INVS: variants seen among roughly 807,000 people sequenced by gnomAD.
The protein encoded by INVS is inversion of embryo turning homolog.
INVS carries 86 observed loss-of-function variants against 108.8 expected under a neutral mutation model. The ratio of observed to expected loss-of-function variants is 0.79; its 90% CI spans 0.66 to 0.95. The LOEUF (loss-of-function observed/expected upper bound fraction) is 0.95, where lower values mean the gene tolerates loss of function less well. INVS is among the 40% of genes least tolerant of loss of function. The pLI is 0.00. For synonymous variants in INVS, 455 were observed against 473.5 expected (o/e 0.96, Z 0.51); for missense variants, 1,169 against 1,297.4 (o/e 0.90, Z 1.52).
chr9:100,247,588 T>C (rs1832084384), intron 8 of INVS, among the ~76,000 whole-genome samples: 2 of 152,176 alleles, frequency 1.3e-5, no homozygotes, highest in South Asian at 4.1e-4. Context: ...TTGCATCTAC[T>C]GTTATCCTGA....
chr9:100,243,107 A>C (rs1421952108), intron 7 of INVS, among the ~76,000 whole-genome samples: 1 of 152,186 alleles, frequency 6.6e-6, no homozygotes, highest in African/African-American at 2.4e-5. Context: ...GTTAAGCATA[A>C]CATTTTACTT....
intron 7 of INVS, 94 bp downstream of exon 7, chr9:100,242,773 C>T (rs1367155831): frequency 1.3e-6 from 1 of 775,932 alleles, no homozygotes; most frequent in South Asian, 1.4e-5. Flanking sequence ...AATAATACAA[C>T]AAGATTGCAT....
rs1832292345 is a variant in INVS at position 100,253,123 on chromosome 9, T to C, written c.1451T>C (p.Ile484Thr). Residue 484 changes from isoleucine (I) to threonine (T), a missense_variant, in exon 10 of 17, where the codon ATT becomes ACT. This residue lies in a region of INVS where 271 missense variants were observed against 363.8 expected (regional missense o/e 0.74). Transcript: ENST00000262457. Reference sequence around the variant, plus strand: ...ATGGAAAACAATGCAGACCCTAACATTCAAGACAAAGAGGTAGAAATTCTG... The same window carrying C: ...ATGGAAAACAATGCAGACCCTAACACTCAAGACAAAGAGGTAGAAATTCTG... ...VLMENNADPN[I>T]QDKEGRTALH... is the part of the protein sequence containing the mutation. 1 of 1,612,464 alleles carries C rather than the reference T, an allele frequency of 6.2e-7. No individual in the cohort carries two copies. Among genetic ancestry groups the C allele is most frequent in the South Asian group, 1.1e-5 (1 of 91,050 alleles).
chr9:100,280,895 C>T (rs969005500), intron 12 of INVS, among the ~76,000 whole-genome samples: 1 of 152,220 alleles, frequency 6.6e-6, no homozygotes, highest in South Asian at 2.1e-4. Context: ...GAAGACAAGC[C>T]TGGGCAACAT....
intron 10 of INVS, 46 bp downstream of exon 10, chr9:100,253,182 A>C: frequency 6.9e-7 from 1 of 1,445,002 alleles, no homozygotes; most frequent in Non-Finnish European, 9.7e-7. Flanking sequence ...AAGAATTTAG[A>C]GTATTTCTTC....
Position 100,262,992 on chromosome 9 carries a change from T to G in INVS, c.1465-1830T>G, listed in dbSNP as rs1292301193. Among the ~76,000 whole-genome samples, 3 of 152,154 alleles carry G rather than the reference T, an allele frequency of 2.0e-5. No homozygotes were observed. In the East Asian group the frequency reaches 5.8e-4, roughly 29 times the overall value. On this transcript the variant is annotated intron_variant, in intron 10 of 16. Coordinates refer to ENST00000262457, the MANE Select transcript of INVS (RefSeq NM_014425.5). ...CTTGAACTCCTGAGCTCAAGCAATC[T>G]ACCTGCCTCAGCCTACGAAAGTGCT...
At chr9:100,265,037 G>A in intron 11 of INVS, 109 bp downstream of exon 11, 1 of 742,674 alleles carries the variant, frequency 1.3e-6, no homozygotes, top group Non-Finnish European at 2.4e-6. Flanking sequence ...TCGCCTCCTG[G>A]GTTCAAGCAA....
At chr9:100,148,166 C>T (rs1370134201) in intron 3 of INVS, among the ~76,000 whole-genome samples, 1 of 151,604 alleles carries the variant, frequency 6.6e-6, no homozygotes, top group African/African-American at 2.4e-5. Flanking sequence ...AGAGTGAGAC[C>T]GTGTCTCTAA....
Position 100,272,945 on chromosome 9 carries a change from C to T in INVS, c.1653C>T (p.Ile551=), listed in dbSNP as rs781357714. Residue 551 remains isoleucine, a synonymous_variant, in exon 12 of 17, where the codon ATC becomes ATT. Transcript: ENST00000262457. ...QFMLEHGALS[I]AAIQDIAAFK... ...TGTTGGAGCACGGTGCCCTGTCCAT[C>T]GCAGCCATACAAGACATCGCCGCCT... 31 of 1,613,962 alleles carry T rather than the reference C, an allele frequency of 1.9e-5. No individual in the cohort carries two copies. The highest frequency in any genetic ancestry group is 1.3e-4 in the East Asian group (6 of 44,884).
At chr9:100,201,992 C>T (rs1650189041) in intron 3 of INVS, among the ~76,000 whole-genome samples, 1 of 152,152 alleles carries the variant, frequency 6.6e-6, no homozygotes, top group South Asian at 2.1e-4. Flanking sequence ...TAGTGCTTCT[C>T]ATATTCAGAG....
chr9:100,100,801 ATG>A (rs1470354962), intron 1 of INVS, among the ~76,000 whole-genome samples: 2,014 of 9,886 alleles, frequency 0.2, 463 homozygotes, highest in Middle Eastern at 0.67. Flanking sequence ...TATATAATAT[ATG>A]TATATATAAT....
chr9:100,152,441 C>T (rs1048945407), intron 3 of INVS, among the ~76,000 whole-genome samples: 2 of 152,144 alleles, frequency 1.3e-5, no homozygotes, highest in Admixed American at 1.3e-4. Context: ...CATTGAAACA[C>T]TAGTACTAAA....
At chr9:100,161,149 G>A (rs1829161537) in intron 3 of INVS, among the ~76,000 whole-genome samples, 1 of 151,612 alleles carries the variant, frequency 6.6e-6, no homozygotes, top group Non-Finnish European at 1.5e-5. Flanking sequence ...GCCGAGTTGG[G>A]GGGATCACCT....
intron 4 of INVS, among the ~76,000 whole-genome samples, chr9:100,228,603 C>T (rs565149056): frequency 6.6e-6 from 1 of 152,196 alleles, no homozygotes; most frequent in South Asian, 2.1e-4. Flanking sequence ...ATGACTGGGC[C>T]GCTTTCTCTT....
chr9:100,163,100 C>G (rs745670169), intron 3 of INVS, among the ~76,000 whole-genome samples: 1 of 151,980 alleles, frequency 6.6e-6, no homozygotes, highest in South Asian at 2.1e-4. Context: ...TGCCCTTTAG[C>G]TCTAGGCTAC....
At chr9:100,263,552 C>T (rs2806692) in intron 10 of INVS, among the ~76,000 whole-genome samples, 49,983 of 152,002 alleles carry the variant, frequency 0.33, 8,975 homozygotes, top group Non-Finnish European at 0.42. Flanking sequence ...TCCCTGTTTC[C>T]CTTATAAGGA....
chr9:100,293,483 T>C (rs1202422213), intron 14 of INVS, among the ~76,000 whole-genome samples: 3 of 152,232 alleles, frequency 2.0e-5, no homozygotes, highest in Non-Finnish European at 4.4e-5. Flanking sequence ...TCTAAATTAC[T>C]ACACATAGGA....
rs772436028 is a variant in INVS at position 100,264,807 on chromosome 9, T to G, written c.1465-15T>G. 5.0e-5 allele frequency: 79 copies of G among 1,570,968 alleles called. No individual in the cohort carries two copies. The highest frequency in any genetic ancestry group is 6.8e-5 in the Non-Finnish European group (77 of 1,140,646). ...ACTTACTCCAGATGTACTTGATTTT[T>G]GTTTATGCTTATAGGGAAGAACAGC... On this transcript the variant is annotated splice_polypyrimidine_tract_variant and intron_variant, in intron 10 of 16. Coordinates refer to ENST00000262457, the MANE Select transcript of INVS (RefSeq NM_014425.5).
At chr9:100,243,943 G>A (rs1468852374) in intron 7 of INVS, among the ~76,000 whole-genome samples, 10 of 152,056 alleles carry the variant, frequency 6.6e-5, no homozygotes, top group Admixed American at 4.6e-4. Context: ...CCTAGGAGGC[G>A]GAGGTTGCAA....
Sources: allele counts gnomAD v4.1 joint callset (sites outside exome capture counted in the v4.1 genomes callset), GRCh38; gene constraint gnomAD v4.1.1; regional missense constraint gnomAD v4.1.1; transcripts MANE v1.5; gene names NCBI Gene and HGNC (gene_info 2026-07-23, HGNC 2026-07-21).